MSRB3: variants seen among roughly 807,000 people sequenced by gnomAD.
The protein encoded by MSRB3 is methionine sulfoxide reductase B3.
Under a neutral mutation model 21.0 loss-of-function variants are expected in MSRB3, and 13 were observed. That is an observed-to-expected ratio of 0.62 (90% CI 0.40 to 0.98). The LOEUF (loss-of-function observed/expected upper bound fraction) is 0.98, where lower values mean the gene tolerates loss of function less well. Among genes scored for constraint, MSRB3 ranks in the 50% least tolerant of loss-of-function variants. MSRB3 has a pLI of 0.00. For synonymous variants in MSRB3, 87 were observed against 88.6 expected (o/e 0.98, Z 0.10); for missense variants, 199 against 230.3 (o/e 0.86, Z 0.88).
intron 5 of MSRB3, chr12:65,418,697 C>A (rs1881110971): frequency 1.3e-6 from 1 of 764,288 alleles, no homozygotes; most frequent in South Asian, 1.4e-5. Flanking sequence ...TCCAGCTCCC[C>A]AGAGAGTACC....
chr12:65,346,141 A>G lies in MSRB3; in HGVS notation c.263+17538A>G, dbSNP rs956261356. Among the ~76,000 whole-genome samples, 110 of 152,114 alleles carry G rather than the reference A, an allele frequency of 7.2e-4. 1 individual carries two copies. Among genetic ancestry groups the G allele is most frequent in the Non-Finnish European group, 1.6e-4 (11 of 68,012 alleles). On this transcript the variant is annotated intron_variant, in intron 4 of 6. Coordinates refer to ENST00000308259, the MANE Select transcript of MSRB3 (RefSeq NM_001031679.3). Reference sequence around the variant, plus strand: ...GGTCAAATGGTATTTCTAGTTCTAGATCCCTGAGGAATCGCCACACTGACT... The same window carrying G: ...GGTCAAATGGTATTTCTAGTTCTAGGTCCCTGAGGAATCGCCACACTGACT...
Position 65,457,039 on chromosome 12 carries a change from G to T in MSRB3, c.390+3214G>T, listed in dbSNP as rs1243993537. 2.7e-5 allele frequency among the ~76,000 whole-genome samples: 4 copies of T among 150,660 alleles called. No individual in the cohort carries two copies. The East Asian group carries it at 7.8e-4, about 29-fold the overall frequency. On this transcript the variant is annotated intron_variant, in intron 6 of 6. Transcript: ENST00000308259. ...TTTCTCAGGCATCTTTTTTTACCTT[G>T]ACTTGATAAAATAAAAGATTTAGTA...
intron 5 of MSRB3, among the ~76,000 whole-genome samples, chr12:65,380,361 A>AG (rs1878872011): frequency 6.6e-6 from 1 of 152,084 alleles, no homozygotes; most frequent in African/African-American, 2.4e-5. Flanking sequence ...GGATCACTTG[A>AG]GGTACAGGAG....
At chr12:65,376,680 G>C (rs1173099561) in intron 5 of MSRB3, among the ~76,000 whole-genome samples, 1 of 152,110 alleles carries the variant, frequency 6.6e-6, no homozygotes, top group Non-Finnish European at 1.5e-5. Context: ...GGGCCCGTCA[G>C]GGGGTGGGGG....
At chr12:65,448,955 G>A (rs927176175) in intron 5 of MSRB3, among the ~76,000 whole-genome samples, 3 of 152,152 alleles carry the variant, frequency 2.0e-5, no homozygotes, top group African/African-American at 7.2e-5. Flanking sequence ...GCAACCAAAT[G>A]GGTCTTTGAA....
intron 4 of MSRB3, among the ~76,000 whole-genome samples, chr12:65,359,930 C>G (rs1877605108): frequency 6.6e-6 from 1 of 152,030 alleles, no homozygotes; most frequent in Non-Finnish European, 1.5e-5. Flanking sequence ...GTATCACACA[C>G]TGGGAGACTT....
At chr12:65,305,369 C>G (rs1873592943) in intron 1 of MSRB3, 1 of 152,064 alleles carries the variant, frequency 6.6e-6, no homozygotes, top group South Asian at 2.1e-4. Flanking sequence ...AAGTAATCTT[C>G]TTGAATTAAG....
At chr12:65,346,591 T>G (rs1308883002) in intron 4 of MSRB3, among the ~76,000 whole-genome samples, 4 of 152,138 alleles carry the variant, frequency 2.6e-5, no homozygotes, top group South Asian at 2.1e-4. Context: ...TTAGTTTAAT[T>G]AGATCCCATT....
intron 5 of MSRB3, among the ~76,000 whole-genome samples, chr12:65,376,585 A>G (rs1300855569): frequency 1.3e-5 from 2 of 152,188 alleles, no homozygotes; most frequent in Non-Finnish European, 2.9e-5. Context: ...CAGGAACAGA[A>G]AACCAAACAC....
chr12:65,354,977 T>C (rs905235935), intron 4 of MSRB3, among the ~76,000 whole-genome samples: 2 of 151,696 alleles, frequency 1.3e-5, no homozygotes, highest in Non-Finnish European at 2.9e-5. Flanking sequence ...CTCCTTATAA[T>C]AGGAGGGGAA....
chr12:65,379,308 C>T (rs990466621), intron 5 of MSRB3, among the ~76,000 whole-genome samples: 14 of 152,104 alleles, frequency 9.2e-5, no homozygotes, highest in African/African-American at 3.4e-4. Context: ...TGCCTAAGAC[C>T]TTGTTTCCAA....
intron 5 of MSRB3, among the ~76,000 whole-genome samples, chr12:65,394,126 A>G (rs1372489845): frequency 6.6e-6 from 1 of 152,202 alleles, no homozygotes; most frequent in Admixed American, 6.5e-5. Context: ...ATGTATGCAT[A>G]TATATGAATT....
At chr12:65,310,700 A>G (rs1873935230) in intron 2 of MSRB3, among the ~76,000 whole-genome samples, 1 of 152,256 alleles carries the variant, frequency 6.6e-6, no homozygotes, top group Non-Finnish European at 1.5e-5. Flanking sequence ...CTGAAATATA[A>G]ATATCTTTAA....
At chr12:65,323,902 G>A (rs1391393701) in intron 2 of MSRB3, among the ~76,000 whole-genome samples, 1 of 152,114 alleles carries the variant, frequency 6.6e-6, no homozygotes, top group Non-Finnish European at 1.5e-5. Context: ...GGTGTGGCAA[G>A]ATATTTATTA....
intron 4 of MSRB3, among the ~76,000 whole-genome samples, chr12:65,343,705 T>G (rs1876297082): frequency 6.6e-6 from 1 of 152,072 alleles, no homozygotes; most frequent in African/African-American, 2.4e-5. Flanking sequence ...TAGTAAGAGA[T>G]GGAGCTAGGA....
intron 4 of MSRB3, among the ~76,000 whole-genome samples, chr12:65,345,742 C>G (rs978622152): frequency 1.3e-5 from 2 of 152,088 alleles, no homozygotes; most frequent in Non-Finnish European, 2.9e-5. Flanking sequence ...TCACCCCACC[C>G]CACAACACGC....
At chr12:65,384,076 T>G (rs552515665) in intron 5 of MSRB3, among the ~76,000 whole-genome samples, 4 of 152,354 alleles carry the variant, frequency 2.6e-5, no homozygotes, top group African/African-American at 9.6e-5. Context: ...TAAATGTGAT[T>G]AAATGTAATC....
chr12:65,365,074 G>A (rs989187408), intron 4 of MSRB3, among the ~76,000 whole-genome samples: 2 of 40,206 alleles, frequency 5.0e-5, no homozygotes, highest in African/African-American at 7.0e-5. Flanking sequence ...GTTCTGACAT[G>A]ATTTTTTTTT....
intron 5 of MSRB3, among the ~76,000 whole-genome samples, chr12:65,452,691 A>C (rs951321469): frequency 6.6e-6 from 1 of 152,148 alleles, no homozygotes; most frequent in Non-Finnish European, 1.5e-5. Flanking sequence ...GATTTGGCCT[A>C]ATCTGTTTTG....
Sources: allele counts gnomAD v4.1 joint callset (sites outside exome capture counted in the v4.1 genomes callset), GRCh38; gene constraint gnomAD v4.1.1; transcripts MANE v1.5; gene names NCBI Gene and HGNC (gene_info 2026-07-23, HGNC 2026-07-21).